Variants in KCNMA1 observed in about 807,000 individuals in gnomAD.
KCNMA1 encodes Calcium-activated potassium channel subunit alpha-1.
In KCNMA1, 29 loss-of-function variants were observed where a neutral mutation model predicts 140.0. The observed-to-expected ratio is 0.21, with a 90% CI of 0.15 to 0.28. KCNMA1 has a LOEUF of 0.28. KCNMA1 is among the 10% of genes least tolerant of loss of function. The probability of loss-of-function intolerance (pLI) is 1.00; values close to 1 mark genes in which losing one functional copy is unlikely to be tolerated. For missense variants in KCNMA1, 880 were observed against 1,602.2 expected, an observed-to-expected ratio of 0.55 and a Z score of 7.70; for synonymous variants, 612 against 611.9, an observed-to-expected ratio of 1.00 and a Z score of 0.00.
intron 18 of KCNMA1, among the ~76,000 whole-genome samples, chr10:77,007,420 T>C (rs1475416101): frequency 6.6e-6 from 1 of 152,024 alleles, no homozygotes; most frequent in Non-Finnish European, 1.5e-5. Flanking sequence ...AGACTGCAGA[T>C]AATAATTACC....
At chr10:77,612,572 T>C (rs891227648) in intron 1 of KCNMA1, among the ~76,000 whole-genome samples, 1 of 152,186 alleles carries the variant, frequency 6.6e-6, no homozygotes, top group East Asian at 1.9e-4. Flanking sequence ...ATGCAACTCA[T>C]AGGGCTCTTG....
chr10:77,506,596 A>AGAGAGAGTGTGTGTGTGT lies in KCNMA1; in HGVS notation c.379-102574_379-102573insACACACACACACTCTCTC. Among the ~76,000 whole-genome samples, 48 of 83,558 alleles carry AGAGAGAGTGTGTGTGTGT rather than the reference A, an allele frequency of 5.7e-4. 4 individuals carry two copies. The highest frequency in any genetic ancestry group is 1.6e-3 in the African/African-American group (21 of 13,406). The allele number at this position is 83,558 out of a possible 152,430, so 54.8% of individuals were successfully genotyped here. Reference sequence around the variant, plus strand: ...TAGAGAGAGAGAGAGAGAGAGAGAGAGTGTGTGTGTGTGTGTGTGTGTGTT... The same window carrying AGAGAGAGTGTGTGTGTGT: ...TAGAGAGAGAGAGAGAGAGAGAGAGAGAGAGAGTGTGTGTGTGTGTGTGTGTGTGTGTGTGTGTGTGTT... On this transcript the variant is annotated intron_variant, in intron 1 of 27. Coordinates refer to ENST00000286628, the MANE Select transcript of KCNMA1 (RefSeq NM_001161352.2).
Position 77,544,189 on chromosome 10 carries a change from T to TGTGTGTGA in KCNMA1, c.378+93075_378+93076insTCACACAC, listed in dbSNP as rs2060880865. On this transcript the variant is annotated intron_variant, in intron 1 of 27. Coordinates refer to ENST00000286628, the MANE Select transcript of KCNMA1 (RefSeq NM_001161352.2). Reference sequence around the variant, plus strand: ...GTGTGTGTGTGTGTGTGTGTGTGTGTGATGATAGAGAGATTACGTGAGTTT... The same window carrying TGTGTGTGA: ...GTGTGTGTGTGTGTGTGTGTGTGTGTGTGTGTGAGATGATAGAGAGATTACGTGAGTTT... Among the ~76,000 whole-genome samples the TGTGTGTGA allele has an allele frequency of 5.3e-5, 8 of 149,566 alleles. No homozygotes were observed. The Admixed American group carries it at 5.4e-4, about 10-fold the overall frequency.
intron 3 of KCNMA1, among the ~76,000 whole-genome samples, chr10:77,195,886 T>C (rs1015483325): frequency 6.6e-5 from 10 of 152,170 alleles, no homozygotes; most frequent in African/African-American, 2.4e-4. Context: ...GTGGTAGAGG[T>C]TGCAGTGAGC....
At chr10:77,584,348 T>A (rs2076656421) in intron 1 of KCNMA1, among the ~76,000 whole-genome samples, 1 of 152,204 alleles carries the variant, frequency 6.6e-6, no homozygotes, top group Non-Finnish European at 1.5e-5. Flanking sequence ...TTTAAGTTGT[T>A]CCATAAATGT....
intron 14 of KCNMA1, chr10:77,071,410 G>C (rs1295506060): frequency 6.6e-6 from 1 of 152,250 alleles, no homozygotes; most frequent in African/African-American, 2.4e-5. Context: ...GGTCCCATGG[G>C]CCATGCCCTG....
rs150475238 is a variant in KCNMA1 at position 77,482,795 on chromosome 10, C to A, written c.379-78772G>T. Among the ~76,000 whole-genome samples, 357 of 152,162 alleles carry A rather than the reference C, an allele frequency of 2.3e-3. 7 individuals carry two copies. In the South Asian group the frequency reaches 0.026, roughly 11 times the overall value. Reference sequence around the variant, plus strand: ...CTTTTCTTATCTTCAAAATGAAATTCCAGCAGTTTTTGTCTCAGCTACCCC... The same window carrying A: ...CTTTTCTTATCTTCAAAATGAAATTACAGCAGTTTTTGTCTCAGCTACCCC... On this transcript the variant is annotated intron_variant, in intron 1 of 27. Transcript: ENST00000286628.
At chr10:77,015,103 C>A (rs1045898916) in intron 17 of KCNMA1, among the ~76,000 whole-genome samples, 2 of 152,176 alleles carry the variant, frequency 1.3e-5, no homozygotes, top group Admixed American at 1.3e-4. Flanking sequence ...CTCCCACAAG[C>A]AGCCTTCAGC....
rs2080785017 is a variant in KCNMA1, at chr10:77,316,038, A to C, written c.541-64782T>G. ...CTCCAGTGTGGGATTCAGAAGAGCA[A>C]TGCTTAGAAACCTGGAGGCTCCCTG... On this transcript the variant is annotated intron_variant, in intron 2 of 27. Coordinates refer to ENST00000286628, the MANE Select transcript of KCNMA1 (RefSeq NM_001161352.2). Among the ~76,000 whole-genome samples, 4 of 152,174 alleles carry C rather than the reference A, an allele frequency of 2.6e-5. No homozygotes were observed. In the South Asian group the frequency reaches 8.3e-4, roughly 32 times the overall value.
chr10:76,992,894 T>G (rs1907720), intron 19 of KCNMA1, among the ~76,000 whole-genome samples: 128,944 of 152,200 alleles, frequency 0.85, 55,130 homozygotes, highest in Middle Eastern at 0.91. Context: ...AGGTTAAGTG[T>G]TTGAAAACTA....
At chr10:77,636,635 C>T in intron 1 of KCNMA1, 1 of 1,535,968 alleles carries the variant, frequency 6.5e-7, no homozygotes. Context: ...GTGGCAGCCC[C>T]GTGGGCTACC....
At chr10:76,952,917 A>G (rs755686894) in intron 21 of KCNMA1, among the ~76,000 whole-genome samples, 1 of 152,254 alleles carries the variant, frequency 6.6e-6, no homozygotes, top group Non-Finnish European at 1.5e-5. Context: ...GAACCCTTCC[A>G]TCTGACTTTC....
intron 2 of KCNMA1, among the ~76,000 whole-genome samples, chr10:77,379,294 T>A (rs2095297864): frequency 6.6e-6 from 1 of 152,174 alleles, no homozygotes; most frequent in Non-Finnish European, 1.5e-5. Context: ...TGTAATGTTA[T>A]TATCTTTTAA....
chr10:77,079,736 A>AG, intron 12 of KCNMA1, 186 bp from the exon 13 acceptor site: 1 of 636,142 alleles, frequency 1.6e-6, no homozygotes, highest in Admixed American at 2.3e-5. Flanking sequence ...ATGGGGCAGA[A>AG]GCAACTTTTC....
At chr10:76,907,651 G>A (rs1321371948) in intron 25 of KCNMA1, among the ~76,000 whole-genome samples, 2 of 152,062 alleles carry the variant, frequency 1.3e-5, no homozygotes, top group Non-Finnish European at 1.5e-5. Flanking sequence ...CGATTCTCAG[G>A]CCTCAGCCTC....
chr10:77,363,850 A>C (rs1293097860), intron 2 of KCNMA1, among the ~76,000 whole-genome samples: 2 of 152,090 alleles, frequency 1.3e-5, no homozygotes, highest in African/African-American at 4.8e-5. Flanking sequence ...TCCCAGTACA[A>C]TTTATTCCCA....
intron 3 of KCNMA1, among the ~76,000 whole-genome samples, chr10:77,218,036 G>A (rs1290668526): frequency 1.3e-5 from 2 of 152,060 alleles, no homozygotes; most frequent in African/African-American, 4.8e-5. Flanking sequence ...TCCTTCTCAG[G>A]GATGGAATTC....
intron 23 of KCNMA1, among the ~76,000 whole-genome samples, chr10:76,940,229 TG>T (rs1363297429): frequency 2.1e-4 from 32 of 152,324 alleles, no homozygotes; most frequent in African/African-American, 7.2e-4. Flanking sequence ...CATCACATCT[TG>T]GGTCTTTTCA....
intron 17 of KCNMA1, 186 bp from the exon 18 acceptor site, chr10:77,012,229 G>A: frequency 6.8e-7 from 1 of 1,475,672 alleles, no homozygotes; most frequent in East Asian, 2.5e-5. Context: ...TTCAAACACA[G>A]GATTCTGTGA....
Sources: allele counts gnomAD v4.1 joint callset (sites outside exome capture counted in the v4.1 genomes callset), GRCh38; gene constraint gnomAD v4.1.1; transcripts MANE v1.5; gene names NCBI Gene and HGNC (gene_info 2026-07-23, HGNC 2026-07-21).